Variants in PKHD1 observed in about 807,000 individuals in gnomAD.
PKHD1 encodes the protein PKHD1 ciliary IPT domain containing fibrocystin/polyductin, also known as fibrocystin.
In PKHD1, 291 loss-of-function variants were observed where a neutral mutation model predicts 412.0. The ratio of observed to expected loss-of-function variants is 0.71; its 90% CI spans 0.64 to 0.78. The LOEUF (loss-of-function observed/expected upper bound fraction) is 0.78. PKHD1 is among the 30% of genes least tolerant of loss of function. PKHD1 has a pLI of 0.00. For missense variants in PKHD1, 4,825 were observed against 4,950.7 expected (o/e 0.97, Z 0.76); for synonymous variants, 1,777 against 1,821.5 (o/e 0.98, Z 0.62).
At position 51,943,945 on chromosome 6, in the gene PKHD1, T is replaced by C. The variant is rs1789015646; in HGVS notation, c.5909-9623A>G. 3.3e-5 allele frequency among the ~76,000 whole-genome samples: 5 copies of C among 151,444 alleles called. No individual in the cohort carries two copies. The South Asian group carries it at 1.0e-3, about 32-fold the overall frequency. On this transcript the variant is annotated intron_variant, in intron 36 of 66. Coordinates refer to ENST00000371117, the MANE Select transcript of PKHD1 (RefSeq NM_138694.4). ...CACCATCCCAACACTTCAATACTGT[T>C]ATGTTTTATTTTTCTTATTAATATA...
chr6:51,625,875 T>C (rs1054531717), intron 66 of PKHD1, among the ~76,000 whole-genome samples: 5 of 152,134 alleles, frequency 3.3e-5, no homozygotes, highest in African/African-American at 9.7e-5. Flanking sequence ...ATTAGAATAA[T>C]CTTAGATGGA....
chr6:51,916,159 C>T (rs1561869837), intron 37 of PKHD1, among the ~76,000 whole-genome samples: 1 of 152,110 alleles, frequency 6.6e-6, no homozygotes, highest in East Asian at 1.9e-4. Flanking sequence ...CAATTCCTAA[C>T]ACAGCACTGG....
intron 54 of PKHD1, 97 bp from the exon 55 acceptor site, chr6:51,772,886 TGTG>T: frequency 1.3e-6 from 1 of 759,904 alleles, no homozygotes; most frequent in African/African-American, 1.7e-5. Context: ...GTGCAAAACA[TGTG>T]ATATAGAATC....
intron 54 of PKHD1, among the ~76,000 whole-genome samples, chr6:51,774,734 T>C (rs909619866): frequency 6.6e-6 from 1 of 151,904 alleles, no homozygotes; most frequent in Non-Finnish European, 1.5e-5. Flanking sequence ...TGACTGCTAA[T>C]GAATATTAAA....
At chr6:51,662,019 T>C in intron 60 of PKHD1, among the ~76,000 whole-genome samples, 1 of 151,972 alleles carries the variant, frequency 6.6e-6, no homozygotes, top group African/African-American at 2.4e-5. Flanking sequence ...CATGTTTTAC[T>C]TTTTCTTCAA....
intron 4 of PKHD1, among the ~76,000 whole-genome samples, chr6:52,081,710 G>A (rs1812062854): frequency 6.6e-6 from 1 of 152,158 alleles, no homozygotes; most frequent in Non-Finnish European, 1.5e-5. Flanking sequence ...GGAAAAGGTG[G>A]CATTTGTGGT....
At chr6:51,842,378 C>A (rs115011904) in intron 50 of PKHD1, among the ~76,000 whole-genome samples, 2 of 152,026 alleles carry the variant, frequency 1.3e-5, no homozygotes, top group African/African-American at 4.8e-5. Context: ...GTTTAATGCA[C>A]CCTGCCACAA....
intron 36 of PKHD1, among the ~76,000 whole-genome samples, chr6:51,952,572 T>C (rs1790526746): frequency 6.6e-6 from 1 of 152,168 alleles, no homozygotes; most frequent in East Asian, 1.9e-4. Context: ...CTTGATATTC[T>C]ATTTGTAAAT....
At chr6:52,083,612 T>C (rs904585265) in intron 2 of PKHD1, among the ~76,000 whole-genome samples, 2 of 152,174 alleles carry the variant, frequency 1.3e-5, no homozygotes, top group Non-Finnish European at 2.9e-5. Flanking sequence ...TGGGTCCTAA[T>C]CAAACCCATA....
chr6:52,009,366 TAGA>T (rs1446785976), intron 35 of PKHD1, among the ~76,000 whole-genome samples: 1 of 152,190 alleles, frequency 6.6e-6, no homozygotes, highest in Non-Finnish European at 1.5e-5. Context: ...ACAAAAGTTA[TAGA>T]AGAACACACA....
At chr6:51,881,939 G>A (rs2127537392) in intron 46 of PKHD1, among the ~76,000 whole-genome samples, 1 of 151,986 alleles carries the variant, frequency 6.6e-6, no homozygotes. Context: ...ACACCCCAAG[G>A]GTGTGATTAT....
chr6:51,913,616 C>A (rs79420970), intron 37 of PKHD1, among the ~76,000 whole-genome samples: 2,689 of 152,240 alleles, frequency 0.018, 62 homozygotes, highest in African/African-American at 0.048. Flanking sequence ...TAGCCCGCAG[C>A]AAGTTACTGT....
chr6:52,053,286 G>A, intron 20 of PKHD1, 35 bp from the exon 21 acceptor site: 1 of 1,608,992 alleles, frequency 6.2e-7, no homozygotes, highest in Non-Finnish European at 8.5e-7. Context: ...TGGGCTCTCA[G>A]GGAGCACTTG....
Position 51,903,653 on chromosome 6 carries a change from G to T in PKHD1, c.6940C>A (p.Pro2314Thr). Residue 2314 changes from proline to threonine, a missense_variant, in exon 43 of 67, where the codon CCT (proline) becomes ACT (threonine). By Grantham distance (38) the Pro-to-Thr change is conservative (BLOSUM62 -1). Coordinates refer to ENST00000371117, the MANE Select transcript of PKHD1 (RefSeq NM_138694.4). ...QVSGAEGLSN[P>T]EMLTPSGIYI... ...ATGCCAGATGGTGTCAACATTTCAG[G>T]ATTGGAGAGTCCCTCGGCACCAGAA... The T allele has an allele frequency of 6.2e-7, 1 of 1,610,910 alleles. No homozygotes were observed. Among genetic ancestry groups the T allele is most frequent in the Non-Finnish European group, 8.5e-7 (1 of 1,177,498 alleles).
intron 36 of PKHD1, among the ~76,000 whole-genome samples, chr6:51,959,666 T>C (rs1583571648): frequency 6.6e-6 from 1 of 152,140 alleles, no homozygotes; most frequent in African/African-American, 2.4e-5. Flanking sequence ...AATCAAGCTC[T>C]GTGCTTATAA....
At chr6:51,698,972 T>C (rs1169897577) in intron 60 of PKHD1, among the ~76,000 whole-genome samples, 2 of 152,224 alleles carry the variant, frequency 1.3e-5, no homozygotes, top group East Asian at 1.9e-4. Flanking sequence ...AACTATATCA[T>C]GGCTTTCAAA....
chr6:51,988,940 G>A (rs572286093), intron 35 of PKHD1, among the ~76,000 whole-genome samples: 14 of 152,328 alleles, frequency 9.2e-5, no homozygotes, highest in African/African-American at 3.4e-4. Flanking sequence ...CACAGCACTA[G>A]CTATAGAAAA....
chr6:51,721,943 C>T (rs1004599135), intron 60 of PKHD1: 15 of 1,613,164 alleles, frequency 9.3e-6, no homozygotes, highest in Non-Finnish European at 1.3e-5. Flanking sequence ...CTTCCTGCTG[C>T]CTCATTAATC....
chr6:51,846,378 G>A (rs1358295387), intron 50 of PKHD1, among the ~76,000 whole-genome samples: 1 of 152,140 alleles, frequency 6.6e-6, no homozygotes, highest in Non-Finnish European at 1.5e-5. Context: ...TTGGGCTTGT[G>A]GCAGGGGCTA....
Sources: gnomAD v4.1 joint callset for allele counts (sites outside exome capture counted in the v4.1 genomes callset) on GRCh38, gnomAD v4.1.1 for gene constraint, MANE v1.5 for transcripts, NCBI Gene and HGNC (gene_info 2026-07-23, HGNC 2026-07-21) for gene names.